The following CEP350 variants were observed in gnomAD, a reference collection of about 807,000 sequenced individuals.
The protein encoded by CEP350 is centrosome-associated protein 350.
CEP350 carries 126 observed loss-of-function variants against 331.8 expected under a neutral mutation model. That is an observed-to-expected ratio of 0.38 (90% CI 0.33 to 0.44). The LOEUF (loss-of-function observed/expected upper bound fraction) is 0.44, where lower values mean the gene tolerates loss of function less well. Among genes scored for constraint, CEP350 ranks in the 20% least tolerant of loss-of-function variants. The probability of loss-of-function intolerance (pLI) is 1.00; values close to 1 mark genes in which losing one functional copy is unlikely to be tolerated. For missense variants in CEP350, 3,406 were observed against 3,634.6 expected, an observed-to-expected ratio of 0.94 and a Z score of 1.62; for synonymous variants, 1,200 against 1,259.5, an observed-to-expected ratio of 0.95 and a Z score of 1.00.
chr1:180,010,373 T>C (rs925054649), intron 8 of CEP350, among the ~76,000 whole-genome samples: 3 of 151,262 alleles, frequency 2.0e-5, no homozygotes, highest in Non-Finnish European at 2.9e-5. Flanking sequence ...ATGAATACTG[T>C]TGGGGTCCCT....
intron 1 of CEP350, among the ~76,000 whole-genome samples, chr1:179,979,388 G>C (rs1571808439): frequency 9.6e-6 from 1 of 104,370 alleles, no homozygotes. Flanking sequence ...ATTATTTGGG[G>C]TGTTTTTTTT....
intron 32 of CEP350, among the ~76,000 whole-genome samples, chr1:180,089,830 A>G (rs12144328): frequency 0.083 from 12,681 of 152,244 alleles, 703 homozygotes; most frequent in Non-Finnish European, 0.12. Flanking sequence ...AAGCACATAT[A>G]TAGTGGTTGA....
Position 179,996,616 on chromosome 1 carries a change from T to C in CEP350, c.459T>C (p.Cys153=). The change falls in exon 6 of 38, where the codon TGT becomes TGC. Residue 153 remains cysteine (C), a synonymous_variant. Transcript: ENST00000367607. ...SSHLESKHVY[C]VDVNEEKTES... ...ATCTGGAATCAAAGCACGTATACTG[T>C]GTAGATGTTAATGAAGAAAAGACTG... 6.2e-7 allele frequency: 1 copy of C among 1,607,888 alleles called. No individual in the cohort carries two copies. The highest frequency in any genetic ancestry group is 8.5e-7 in the Non-Finnish European group (1 of 1,176,742).
intron 15 of CEP350, among the ~76,000 whole-genome samples, chr1:180,032,561 G>A (rs543525054): frequency 3.3e-5 from 5 of 151,674 alleles, no homozygotes; most frequent in African/African-American, 4.8e-5. Flanking sequence ...CCTACCCATG[G>A]AGATTCACAG....
intron 1 of CEP350, among the ~76,000 whole-genome samples, chr1:179,983,942 A>G (rs553241087): frequency 5.8e-4 from 89 of 152,328 alleles, no homozygotes; most frequent in Non-Finnish European, 1.0e-3. Context: ...CCAAATTCAA[A>G]TTAAAGCATA....
chr1:180,004,873 GGCTTGCTTGCTT>G lies in CEP350; in HGVS notation c.1133-1556_1133-1545del, dbSNP rs142057657. Reference sequence around the variant, plus strand: ...CAGAGCTTGGGCAGGCAGGCTGGCTGGCTTGCTTGCTTGCTTGCTTGCTTGCTTGCTTGCTTT... The same window carrying G: ...CAGAGCTTGGGCAGGCAGGCTGGCTGGCTTGCTTGCTTGCTTGCTTGCTTT... On this transcript the variant is annotated intron_variant, in intron 7 of 37. Transcript: ENST00000367607. Among the ~76,000 whole-genome samples, 452 of 100,452 alleles carry G rather than the reference GGCTTGCTTGCTT, an allele frequency of 4.5e-3. 35 individuals are homozygous for G. The highest frequency in any genetic ancestry group is 5.0e-3 in the South Asian group (13 of 2,588). 65.9% of individuals were successfully genotyped at this position (100,452 alleles called of 152,430 possible).
At chr1:180,035,742 A>G (rs1416571994) in intron 16 of CEP350, among the ~76,000 whole-genome samples, 1 of 152,142 alleles carries the variant, frequency 6.6e-6, no homozygotes, top group South Asian at 2.1e-4. Context: ...CTTATTGACA[A>G]TGCACCTGGT....
chr1:180,024,131 T>C (rs1655513782), intron 13 of CEP350, among the ~76,000 whole-genome samples: 2 of 152,018 alleles, frequency 1.3e-5, no homozygotes, highest in Admixed American at 1.3e-4. Flanking sequence ...ATATAAATTA[T>C]AAATTTGAAT....
chr1:179,991,567 C>T (rs1458384233), intron 4 of CEP350, among the ~76,000 whole-genome samples: 3 of 150,988 alleles, frequency 2.0e-5, no homozygotes, highest in African/African-American at 4.9e-5. Flanking sequence ...GGATTACAGG[C>T]GTGAGCCACC....
At chr1:180,075,824 G>A (rs1333542779) in intron 28 of CEP350, among the ~76,000 whole-genome samples, 3 of 151,996 alleles carry the variant, frequency 2.0e-5, no homozygotes, top group African/African-American at 7.2e-5. Flanking sequence ...GGGTGTGGTG[G>A]AACACACCTG....
intron 5 of CEP350, among the ~76,000 whole-genome samples, chr1:179,993,946 C>A (rs1046511885): frequency 2.0e-5 from 3 of 152,168 alleles, no homozygotes; most frequent in Admixed American, 1.3e-4. Flanking sequence ...TGTGTAACTT[C>A]CTCTATTAAA....
Sources: allele counts gnomAD v4.1 joint callset (sites outside exome capture counted in the v4.1 genomes callset), GRCh38; gene constraint gnomAD v4.1.1; transcripts MANE v1.5; gene names NCBI Gene and HGNC (gene_info 2026-07-23, HGNC 2026-07-21).